Variants in CRADD observed in about 807,000 individuals in gnomAD.
CRADD encodes CARD and death domain containing adaptor protein.
A neutral mutation model predicts 15.5 loss-of-function variants in CRADD; 9 were observed. That is an observed-to-expected ratio of 0.58 (90% CI 0.35 to 1.01). The LOEUF (loss-of-function observed/expected upper bound fraction) is 1.01. CRADD is among the 50% of genes least tolerant of loss of function. The pLI is 0.02. For synonymous variants in CRADD, 118 were observed against 107.6 expected, an observed-to-expected ratio of 1.10 and a Z score of -0.60; for missense variants, 227 against 250.3, an observed-to-expected ratio of 0.91 and a Z score of 0.63.
chr12:93,867,404 T>TATATATATATATATATA (rs1491540248), intron 2 of CRADD, among the ~76,000 whole-genome samples: 11 of 127,318 alleles, frequency 8.6e-5, no homozygotes, highest in Non-Finnish European at 1.4e-4. Flanking sequence ...TATATATATA[T>TATATATATATATATATA]TTTTTAAACT....
At chr12:93,736,575 T>C (rs148324577) in intron 2 of CRADD, among the ~76,000 whole-genome samples, 1 of 152,340 alleles carries the variant, frequency 6.6e-6, no homozygotes, top group African/African-American at 2.4e-5. Flanking sequence ...TAGGGTATGA[T>C]AAATGTTGGT....
intron 2 of CRADD, among the ~76,000 whole-genome samples, chr12:93,830,873 A>G (rs1414280790): frequency 6.6e-6 from 1 of 152,206 alleles, no homozygotes; most frequent in African/African-American, 2.4e-5. Context: ...CAAACAATTT[A>G]CAGAAATAGC....
At chr12:93,778,343 A>G (rs561774343) in intron 2 of CRADD, among the ~76,000 whole-genome samples, 1 of 152,222 alleles carries the variant, frequency 6.6e-6, no homozygotes, top group East Asian at 1.9e-4. Context: ...GATGATTCAG[A>G]GCGCGAGGGA....
intron 2 of CRADD, among the ~76,000 whole-genome samples, chr12:93,817,508 C>T (rs1449273774): frequency 6.6e-6 from 1 of 152,166 alleles, no homozygotes; most frequent in East Asian, 1.9e-4. Flanking sequence ...CAGTGGCTGT[C>T]GCCATTTCAT....
Position 93,734,350 on chromosome 12 carries a change from T to C in CRADD, c.298+55278T>C, listed in dbSNP as rs187134852. 3.3e-4 allele frequency among the ~76,000 whole-genome samples: 50 copies of C among 152,338 alleles called. No individual in the cohort carries two copies. In the East Asian group the frequency reaches 9.6e-3, roughly 29 times the overall value. On this transcript the variant is annotated intron_variant, in intron 2 of 2. Transcript: ENST00000332896. The stretch of plus-strand genomic sequence containing the variant: ...AATTTTGAATTTTTTAGTATTTTCA[T>C]TTGCTAGATGAGGAAACAAAAATAT...
At chr12:93,771,811 A>G (rs1957088351) in intron 2 of CRADD, among the ~76,000 whole-genome samples, 1 of 152,210 alleles carries the variant, frequency 6.6e-6, no homozygotes, top group African/African-American at 2.4e-5. Flanking sequence ...CTTTACCTCC[A>G]TGATCTTGAT....
rs964486211 is a variant in CRADD, at chr12:93,748,524, C to T, written c.298+69452C>T. 2.5e-4 allele frequency among the ~76,000 whole-genome samples: 38 copies of T among 152,188 alleles called. 1 individual carries two copies. Among genetic ancestry groups the T allele is most frequent in the Admixed American group, 1.4e-3 (21 of 15,280 alleles). On this transcript the variant is annotated intron_variant, in intron 2 of 2. Transcript: ENST00000332896. The stretch of plus-strand genomic sequence containing the variant: ...GTTTCTCTGTGTTGGTCAGGCTGGT[C>T]TCGAACTCCCAACCTCGGATGATCC...
At chr12:93,791,298 G>T (rs1957346527) in intron 2 of CRADD, among the ~76,000 whole-genome samples, 1 of 152,046 alleles carries the variant, frequency 6.6e-6, no homozygotes, top group Non-Finnish European at 1.5e-5. Context: ...AAGGGATAAA[G>T]AAAATGTGGT....
intron 2 of CRADD, chr12:93,738,458 T>A (rs1393676502): frequency 1.4e-6 from 1 of 702,384 alleles, no homozygotes; most frequent in Admixed American, 2.0e-5. Flanking sequence ...TTATGAAGTC[T>A]ACCCAGAAGA....
chr12:93,757,501 C>G (rs537666204), intron 2 of CRADD, among the ~76,000 whole-genome samples: 3 of 152,194 alleles, frequency 2.0e-5, no homozygotes, highest in Admixed American at 6.5e-5. Flanking sequence ...TTTCATCTCT[C>G]CCATCTCTAG....
At chr12:93,792,841 T>A (rs1364754365) in intron 2 of CRADD, among the ~76,000 whole-genome samples, 1 of 152,222 alleles carries the variant, frequency 6.6e-6, no homozygotes, top group Non-Finnish European at 1.5e-5. Flanking sequence ...TTTAGGCTCT[T>A]AACTGCTATA....
chr12:93,795,240 T>C (rs1294131733), intron 2 of CRADD, among the ~76,000 whole-genome samples: 1 of 152,212 alleles, frequency 6.6e-6, no homozygotes, highest in Non-Finnish European at 1.5e-5. Flanking sequence ...ACTTTGTTTG[T>C]GATTTAGGAT....
At chr12:93,699,088 A>G (rs1955780054) in intron 2 of CRADD, among the ~76,000 whole-genome samples, 1 of 152,194 alleles carries the variant, frequency 6.6e-6, no homozygotes, top group Non-Finnish European at 1.5e-5. Context: ...TTTTTTTCTT[A>G]TGACCGGAAT....
At chr12:93,765,204 C>G (rs990312950) in intron 2 of CRADD, among the ~76,000 whole-genome samples, 7 of 152,048 alleles carry the variant, frequency 4.6e-5, no homozygotes, top group African/African-American at 1.7e-4. Context: ...TATTTTATCA[C>G]GAGTTGCCTG....
chr12:93,765,974 A>G (rs1957022924), intron 2 of CRADD, among the ~76,000 whole-genome samples: 1 of 152,222 alleles, frequency 6.6e-6, no homozygotes, highest in African/African-American at 2.4e-5. Flanking sequence ...TAACAGAAGC[A>G]TTTTGAAAGT....
chr12:93,880,672 G>A (rs915680107), intron 2 of CRADD, among the ~76,000 whole-genome samples: 1 of 148,672 alleles, frequency 6.7e-6, no homozygotes. Context: ...ACCATGCTTC[G>A]AAAGGACTGT....
chr12:93,699,640 G>A (rs10492324), intron 2 of CRADD, among the ~76,000 whole-genome samples: 8,605 of 152,156 alleles, frequency 0.057, 273 homozygotes, highest in African/African-American at 0.076. Context: ...AGACTCAAAC[G>A]TTCTGATGAG....
At chr12:93,766,531 T>C (rs531281627) in intron 2 of CRADD, among the ~76,000 whole-genome samples, 1 of 152,364 alleles carries the variant, frequency 6.6e-6, no homozygotes, top group South Asian at 2.1e-4. Flanking sequence ...TCAAGCTTCC[T>C]CTGGCCACAC....
chr12:93,894,258 G>T, exon 3 of CRADD: 220 of 459,524 alleles, frequency 4.8e-4, no homozygotes, highest in East Asian at 1.0e-3. Flanking sequence ...ACAATTCTGT[G>T]TATGTGTGTG....
Sources: allele counts gnomAD v4.1 joint callset (sites outside exome capture counted in the v4.1 genomes callset), GRCh38; gene constraint gnomAD v4.1.1; transcripts MANE v1.5; gene names NCBI Gene and HGNC (gene_info 2026-07-23, HGNC 2026-07-21).